The following RBMS3 variants were observed in gnomAD, a reference collection of about 807,000 sequenced individuals.
The protein encoded by RBMS3 is RNA-binding motif, single-stranded-interacting protein 3.
A neutral mutation model predicts 66.8 loss-of-function variants in RBMS3; 27 were observed. That is an observed-to-expected ratio of 0.40 (90% CI 0.30 to 0.56). The LOEUF (loss-of-function observed/expected upper bound fraction) is 0.56. Ranked by LOEUF, RBMS3 falls within the 20% of genes least tolerant of loss-of-function variation. The pLI, the probability that RBMS3 is intolerant of heterozygous loss-of-function variation, is 0.40. For synonymous variants in RBMS3, 188 were observed against 183.0 expected (o/e 1.03, Z -0.22); for missense variants, 513 against 549.5 (o/e 0.93, Z 0.66).
intron 10 of RBMS3, among the ~76,000 whole-genome samples, chr3:29,925,776 G>A (rs914811425): frequency 1.3e-5 from 2 of 152,148 alleles, no homozygotes; most frequent in Non-Finnish European, 2.9e-5. Context: ...CTGAGATTCT[G>A]TACTAAGCTC....
intron 12 of RBMS3, among the ~76,000 whole-genome samples, chr3:29,953,730 C>T (rs1259387291): frequency 6.6e-6 from 1 of 151,868 alleles, no homozygotes; most frequent in Admixed American, 6.6e-5. Flanking sequence ...TTGTCCTCTG[C>T]AAATTCGTTC....
intron 3 of RBMS3, among the ~76,000 whole-genome samples, chr3:29,532,005 G>T (rs190674962): frequency 6.6e-6 from 1 of 151,848 alleles, no homozygotes; most frequent in Non-Finnish European, 1.5e-5. Flanking sequence ...AACAGAAACG[G>T]AGCCGTTCTA....
At chr3:29,592,367 C>G (rs1021026031) in intron 4 of RBMS3, among the ~76,000 whole-genome samples, 1 of 152,208 alleles carries the variant, frequency 6.6e-6, no homozygotes, top group Middle Eastern at 3.4e-3. Flanking sequence ...AGACACTTCT[C>G]AAAAGAAGAC....
intron 1 of RBMS3, among the ~76,000 whole-genome samples, chr3:29,394,979 A>T (rs372724767): frequency 6.6e-6 from 1 of 151,942 alleles, no homozygotes; most frequent in Non-Finnish European, 1.5e-5. Context: ...TGCTCTGGCC[A>T]CCCCACTTAA....
intron 6 of RBMS3, among the ~76,000 whole-genome samples, chr3:29,830,557 G>A (rs1460985774): frequency 2.6e-5 from 4 of 152,108 alleles, no homozygotes; most frequent in African/African-American, 7.2e-5. Flanking sequence ...CATAGAATGG[G>A]TGTGTATGTA....
At chr3:29,678,504 A>G (rs2051347659) in intron 4 of RBMS3, among the ~76,000 whole-genome samples, 1 of 152,112 alleles carries the variant, frequency 6.6e-6, no homozygotes, top group African/African-American at 2.4e-5. Flanking sequence ...TGTCTCCAAT[A>G]ATTATAGGGC....
intron 4 of RBMS3, among the ~76,000 whole-genome samples, chr3:29,675,790 G>A (rs2051222889): frequency 6.6e-6 from 1 of 152,206 alleles, no homozygotes; most frequent in African/African-American, 2.4e-5. Flanking sequence ...AGGTGCTGGA[G>A]AGGATGTGGA....
chr3:29,951,537 G>A (rs1283352917), intron 12 of RBMS3, among the ~76,000 whole-genome samples: 1 of 151,646 alleles, frequency 6.6e-6, no homozygotes, highest in Non-Finnish European at 1.5e-5. Flanking sequence ...GAAAGGATAT[G>A]TCCAAAGTAC....
chr3:29,977,762 T>C (rs1577300569), intron 12 of RBMS3, among the ~76,000 whole-genome samples: 1 of 152,054 alleles, frequency 6.6e-6, no homozygotes, highest in Middle Eastern at 3.4e-3. Flanking sequence ...TTGGTGAATA[T>C]ACAAGGAAAT....
chr3:29,860,949 C>T (rs1009736267), intron 6 of RBMS3, among the ~76,000 whole-genome samples: 5 of 152,068 alleles, frequency 3.3e-5, no homozygotes, highest in African/African-American at 9.7e-5. Context: ...CAGTGAGCTC[C>T]GCCTCCCCGG....
At chr3:29,952,126 GT>G (rs1695722621) in intron 12 of RBMS3, among the ~76,000 whole-genome samples, 1 of 151,758 alleles carries the variant, frequency 6.6e-6, no homozygotes, top group South Asian at 2.1e-4. Context: ...GATAATGAGT[GT>G]GGTGATTATA....
chr3:29,561,844 A>G (rs1050340832), intron 3 of RBMS3, among the ~76,000 whole-genome samples: 34 of 152,098 alleles, frequency 2.2e-4, no homozygotes, highest in African/African-American at 8.2e-4. Context: ...AGCTTTTTGC[A>G]TGTGATTTTT....
chr3:29,670,966 G>A (rs539174903), intron 4 of RBMS3, among the ~76,000 whole-genome samples: 3 of 152,334 alleles, frequency 2.0e-5, no homozygotes, highest in East Asian at 3.9e-4. Context: ...GTGAGACCCT[G>A]ACCCCCAAGT....
In RBMS3 at chr3:29,710,483, A is replaced by G. The variant is rs76890756; in HGVS notation, c.400-29237A>G. Among the ~76,000 whole-genome samples the G allele has an allele frequency of 4.3e-3, 655 of 152,294 alleles. 16 individuals carry two copies. Among genetic ancestry groups the G allele is most frequent in the Admixed American group, 0.036 (553 of 15,290 alleles). On this transcript the variant is annotated intron_variant, in intron 4 of 14. Coordinates refer to ENST00000383767, the MANE Select transcript of RBMS3 (RefSeq NM_001003793.3). ...TAAGGCTTGAAAATTTAAGTAATTT[A>G]CCAAAGGTCACACAGCTACACAGTC...
intron 6 of RBMS3, among the ~76,000 whole-genome samples, chr3:29,868,103 G>T (rs1169698729): frequency 6.6e-6 from 1 of 151,520 alleles, no homozygotes; most frequent in Non-Finnish European, 1.5e-5. Context: ...GGTTTTAAAA[G>T]ATTGTCATTT....
At chr3:29,699,893 G>A (rs73054355) in intron 4 of RBMS3, among the ~76,000 whole-genome samples, 3,806 of 152,262 alleles carry the variant, frequency 0.025, 60 homozygotes, top group Non-Finnish European at 0.035. Context: ...GAAAGCCACT[G>A]CCACTTATCC....
intron 1 of RBMS3, among the ~76,000 whole-genome samples, chr3:29,296,694 T>G (rs2033291389): frequency 6.6e-6 from 1 of 151,768 alleles, no homozygotes; most frequent in Non-Finnish European, 1.5e-5. Context: ...GATCATAAAG[T>G]CTCAACAGTT....
At chr3:29,820,624 C>T (rs771765039) in intron 6 of RBMS3, among the ~76,000 whole-genome samples, 1 of 152,126 alleles carries the variant, frequency 6.6e-6, no homozygotes, top group Admixed American at 6.6e-5. Context: ...TATTTTCTGT[C>T]ACTAATTAGG....
chr3:29,295,294 TAC>T (rs1332592357), intron 1 of RBMS3, among the ~76,000 whole-genome samples: 5 of 3,784 alleles, frequency 1.3e-3, no homozygotes, highest in African/African-American at 2.4e-3. Context: ...TATATATATA[TAC>T]ATATATATCT....
Sources: gnomAD v4.1 joint callset for allele counts (sites outside exome capture counted in the v4.1 genomes callset) on GRCh38, gnomAD v4.1.1 for gene constraint, MANE v1.5 for transcripts, NCBI Gene and HGNC (gene_info 2026-07-23, HGNC 2026-07-21) for gene names.